The following SEC31A variants were observed in gnomAD, a reference collection of about 807,000 sequenced individuals.
The protein encoded by SEC31A is protein transport protein Sec31A.
SEC31A carries 70 observed loss-of-function variants against 151.0 expected under a neutral mutation model. The observed-to-expected ratio is 0.46, with a 90% CI of 0.38 to 0.57. The LOEUF (loss-of-function observed/expected upper bound fraction) is 0.57, where lower values mean the gene tolerates loss of function less well. SEC31A is among the 20% of genes least tolerant of loss of function. The probability of loss-of-function intolerance (pLI) is 0.00; values close to 1 mark genes in which losing one functional copy is unlikely to be tolerated. For synonymous variants in SEC31A, 475 were observed against 505.9 expected (o/e 0.94, Z 0.82); for missense variants, 1,330 against 1,471.2 (o/e 0.90, Z 1.57).
At chr4:82,841,102 G>C (rs1406033176) in intron 22 of SEC31A, among the ~76,000 whole-genome samples, 4 of 152,006 alleles carry the variant, frequency 2.6e-5, no homozygotes. Flanking sequence ...TTGTATAGCT[G>C]TACAAAAACA....
intron 22 of SEC31A, 120 bp from the exon 23 acceptor site, chr4:82,829,178 T>A (rs1725340090): frequency 1.3e-6 from 1 of 754,222 alleles, no homozygotes. Flanking sequence ...GTCACAAAGG[T>A]TTTACCAGCC....
At chr4:82,871,710 G>A in intron 7 of SEC31A, 3 of 544,982 alleles carry the variant, frequency 5.5e-6, no homozygotes, top group Non-Finnish European at 9.5e-6. Context: ...ATGGTGGCTT[G>A]CGCCTGTAAT....
At chr4:82,891,290 C>T (rs1471010782), upstream of SEC31A, 5 of 1,056,696 alleles carry the variant, frequency 4.7e-6, no homozygotes, top group Admixed American at 2.3e-5. Flanking sequence ...CAGCCCGCCA[C>T]GGCACTTCCG....
chr4:82,839,196 G>T (rs968963952), intron 22 of SEC31A, among the ~76,000 whole-genome samples: 1 of 152,104 alleles, frequency 6.6e-6, no homozygotes, highest in East Asian at 1.9e-4. Flanking sequence ...TGTTGCCCAG[G>T]CTGGAGTGCA....
At chr4:82,851,125 T>C (rs566300864) in intron 19 of SEC31A, among the ~76,000 whole-genome samples, 11 of 152,364 alleles carry the variant, frequency 7.2e-5, no homozygotes, top group African/African-American at 2.4e-4. Context: ...CAAAGAACTT[T>C]GTATGAAGAA....
intron 21 of SEC31A, chr4:82,844,016 T>C (rs2149263073): frequency 9.1e-6 from 2 of 220,892 alleles, no homozygotes; most frequent in Non-Finnish European, 1.7e-5. Context: ...CAAATGCCCC[T>C]TGAAACCATT....
intron 7 of SEC31A, among the ~76,000 whole-genome samples, 200 bp from the exon 8 acceptor site, chr4:82,870,624 G>T (rs1736439563): frequency 6.6e-6 from 1 of 152,148 alleles, no homozygotes; most frequent in Admixed American, 6.5e-5. Flanking sequence ...CTTGAACCTG[G>T]GAGGTGGAGG....
At chr4:82,845,443 G>A (rs553475864) in intron 20 of SEC31A, 64 of 443,548 alleles carry the variant, frequency 1.4e-4, no homozygotes, top group African/African-American at 1.2e-3. Flanking sequence ...CTGCTTTCAA[G>A]GTAGCTGGAA....
chr4:82,883,250 T>C (rs976998401), intron 1 of SEC31A, among the ~76,000 whole-genome samples: 1 of 152,222 alleles, frequency 6.6e-6, no homozygotes, highest in African/African-American at 2.4e-5. Flanking sequence ...CATAATTACC[T>C]AGTCTAATAC....
chr4:82,821,103 G>C lies in SEC31A; in HGVS notation c.3417C>G (p.Thr1139=), dbSNP rs766826750. 1.2e-6 allele frequency: 2 copies of C among 1,613,292 alleles called. No individual in the cohort carries two copies. Among genetic ancestry groups the C allele is most frequent in the Non-Finnish European group, 1.7e-6 (2 of 1,179,472 alleles). Residue 1139 remains threonine, a synonymous_variant, in exon 26 of 27, where the codon ACC becomes ACG. Transcript: ENST00000395310. ...TGCTGGCATCATCTAGCTTCCTCTT[G>C]GTTTGCTGCAGGAAAGAAAAAATAG... The part of the protein sequence containing the change: ...RCLSSATDPQ[T]KRKLDDASKR...
At chr4:82,833,537 A>T (rs972810217) in intron 22 of SEC31A, among the ~76,000 whole-genome samples, 225 of 152,210 alleles carry the variant, frequency 1.5e-3, no homozygotes, top group African/African-American at 5.2e-3. Context: ...AATTATAAAA[A>T]AAAAAAAAAA....
chr4:82,848,760 G>T (rs760997715), intron 20 of SEC31A, 44 bp downstream of exon 20: 1 of 1,528,088 alleles, frequency 6.5e-7, no homozygotes, highest in Non-Finnish European at 8.8e-7. Flanking sequence ...AATTTGAAGA[G>T]AAATACAAAA....
chr4:82,862,252 CAA>C (rs70943163), intron 13 of SEC31A, among the ~76,000 whole-genome samples: 13 of 89,850 alleles, frequency 1.4e-4, no homozygotes, highest in East Asian at 2.8e-4. Context: ...TTTTCCTGGC[CAA>C]AAAAAAAAAA....
chr4:82,840,533 C>T (rs1460806217), intron 22 of SEC31A, among the ~76,000 whole-genome samples: 1 of 152,114 alleles, frequency 6.6e-6, no homozygotes. Flanking sequence ...AGTTTTGGTA[C>T]TCTGGACTTT....
At chr4:82,896,008 T>A (rs1720046875), upstream of SEC31A, among the ~76,000 whole-genome samples, 1 of 152,192 alleles carries the variant, frequency 6.6e-6, no homozygotes, top group African/African-American at 2.4e-5. Flanking sequence ...TTATCTAATG[T>A]AGAACAGTTA....
chr4:82,858,609 C>T (rs1161784624), intron 14 of SEC31A, among the ~76,000 whole-genome samples: 1 of 146,088 alleles, frequency 6.8e-6, no homozygotes, highest in Admixed American at 7.0e-5. Flanking sequence ...ATATTCATTA[C>T]TGGTATCTCA....
chr4:82,823,568 G>A (rs1723878377), intron 25 of SEC31A, among the ~76,000 whole-genome samples: 1 of 152,202 alleles, frequency 6.6e-6, no homozygotes, highest in African/African-American at 2.4e-5. Context: ...ATGCAGACAA[G>A]TAGCCGATGA....
chr4:82,896,184 A>G (rs894944393), upstream of SEC31A, among the ~76,000 whole-genome samples: 1 of 152,216 alleles, frequency 6.6e-6, no homozygotes, highest in Non-Finnish European at 1.5e-5. Context: ...CTGCTTTCAT[A>G]GGGTTATTAT....
intron 21 of SEC31A, among the ~76,000 whole-genome samples, chr4:82,843,282 T>C (rs1028990863): frequency 9.9e-5 from 15 of 151,922 alleles, no homozygotes; most frequent in African/African-American, 3.6e-4. Context: ...AGGCTATAGG[T>C]GCCACCACAC....
Sources: gnomAD v4.1 joint callset for allele counts (sites outside exome capture counted in the v4.1 genomes callset) on GRCh38, gnomAD v4.1.1 for gene constraint, MANE v1.5 for transcripts, NCBI Gene and HGNC (gene_info 2026-07-23, HGNC 2026-07-21) for gene names.